The following CSGALNACT1 variants were observed in gnomAD, a reference collection of about 807,000 sequenced individuals.
CSGALNACT1 encodes the protein beta4GalNAcT-1.
A neutral mutation model predicts 51.0 loss-of-function variants in CSGALNACT1; 52 were observed. The observed-to-expected ratio is 1.02, with a 90% CI of 0.82 to 1.29. CSGALNACT1 has a LOEUF of 1.29. CSGALNACT1 is among the 50% of genes most tolerant of loss of function. The pLI, the probability that CSGALNACT1 is intolerant of heterozygous loss-of-function variation, is 0.00. For missense variants in CSGALNACT1, 935 were observed against 679.2 expected (o/e 1.38, Z -4.19); for synonymous variants, 341 against 254.4 (o/e 1.34, Z -3.24).
intron 3 of CSGALNACT1, among the ~76,000 whole-genome samples, chr8:19,590,639 A>ATTT (rs2047599486): frequency 2.0e-5 from 2 of 99,156 alleles, no homozygotes; most frequent in East Asian, 3.4e-4. Flanking sequence ...GGACCTAACT[A>ATTT]CTTTTTTTTT....
At chr8:19,525,836 G>A (rs1032273997) in intron 3 of CSGALNACT1, among the ~76,000 whole-genome samples, 7 of 152,002 alleles carry the variant, frequency 4.6e-5, no homozygotes, top group Non-Finnish European at 7.4e-5. Flanking sequence ...TGCCAGCTAC[G>A]TGAGGCCAGG....
At chr8:19,745,690 G>C (rs2064608901) in intron 1 of CSGALNACT1, among the ~76,000 whole-genome samples, 1 of 152,182 alleles carries the variant, frequency 6.6e-6, no homozygotes, top group Non-Finnish European at 1.5e-5. Context: ...GAAGTACGCA[G>C]TGAGGGCTCA....
At chr8:19,487,447 T>C (rs2073238439) in intron 4 of CSGALNACT1, among the ~76,000 whole-genome samples, 1 of 152,282 alleles carries the variant, frequency 6.6e-6, no homozygotes, top group South Asian at 2.1e-4. Flanking sequence ...GTCAACACGA[T>C]GGTGGAGCCC....
chr8:19,639,815 AT>A (rs1190694809), intron 1 of CSGALNACT1, among the ~76,000 whole-genome samples: 2 of 151,688 alleles, frequency 1.3e-5, no homozygotes, highest in African/African-American at 4.9e-5. Flanking sequence ...ATAACGATAT[AT>A]CCATTTGCAT....
chr8:19,531,072 A>T (rs1257022054), intron 3 of CSGALNACT1, among the ~76,000 whole-genome samples: 2 of 152,204 alleles, frequency 1.3e-5, no homozygotes, highest in African/African-American at 4.8e-5. Flanking sequence ...TCCATTTCCT[A>T]TTACATGAAA....
At chr8:19,578,626 G>A (rs1415309420) in intron 3 of CSGALNACT1, among the ~76,000 whole-genome samples, 1 of 152,106 alleles carries the variant, frequency 6.6e-6, no homozygotes, top group African/African-American at 2.4e-5. Flanking sequence ...TTGTGGGTGT[G>A]TTAGATACTA....
chr8:19,498,190 A>C (rs2075802432), intron 4 of CSGALNACT1, among the ~76,000 whole-genome samples: 1 of 152,138 alleles, frequency 6.6e-6, no homozygotes. Flanking sequence ...CTCCTCCCTG[A>C]GGCAGGTTAC....
At chr8:19,639,272 G>C (rs1173875895) in intron 1 of CSGALNACT1, among the ~76,000 whole-genome samples, 1 of 152,198 alleles carries the variant, frequency 6.6e-6, no homozygotes, top group South Asian at 2.1e-4. Context: ...GCTTGCCCTT[G>C]GTTAAGAAGG....
At chr8:19,543,924 T>C (rs1223707151) in intron 3 of CSGALNACT1, among the ~76,000 whole-genome samples, 1 of 152,230 alleles carries the variant, frequency 6.6e-6, no homozygotes, top group Non-Finnish European at 1.5e-5. Flanking sequence ...TGTTAATTTT[T>C]CTAAAGAGGA....
intron 3 of CSGALNACT1, among the ~76,000 whole-genome samples, chr8:19,540,453 TCA>T (rs2084839288): frequency 6.6e-6 from 1 of 152,208 alleles, no homozygotes; most frequent in African/African-American, 2.4e-5. Context: ...AAATTTGAGT[TCA>T]CAGTTTCTGA....
At chr8:19,585,224 G>A (rs529250051) in intron 3 of CSGALNACT1, 1 of 152,160 alleles carries the variant, frequency 6.6e-6, no homozygotes, top group African/African-American at 2.4e-5. Context: ...CTAAGAGAAC[G>A]CAGCCCCACA....
intron 5 of CSGALNACT1, chr8:19,457,794 A>G: frequency 7.4e-7 from 1 of 1,351,602 alleles, no homozygotes; most frequent in Non-Finnish European, 9.8e-7. Context: ...AAAGGCACAC[A>G]TCTAAAAACT....
At chr8:19,658,062 CAA>C (rs397973082) in intron 1 of CSGALNACT1, among the ~76,000 whole-genome samples, 3,139 of 86,700 alleles carry the variant, frequency 0.036, 83 homozygotes, top group South Asian at 0.079. Flanking sequence ...ACCCTCCTTC[CAA>C]AAAAAAAAAA....
At chr8:19,627,063 C>T (rs1209685853) in intron 1 of CSGALNACT1, among the ~76,000 whole-genome samples, 1 of 152,190 alleles carries the variant, frequency 6.6e-6, no homozygotes, top group Non-Finnish European at 1.5e-5. Context: ...TATTTATCCT[C>T]AAGAAATGAA....
chr8:19,667,008 A>AG (rs1564386110), intron 1 of CSGALNACT1, among the ~76,000 whole-genome samples: 8 of 31,450 alleles, frequency 2.5e-4, no homozygotes, highest in South Asian at 1.3e-3. Flanking sequence ...AGAAAGAAAG[A>AG]AAGAAAGAAA....
chr8:19,466,475 G>GCATTA (rs1457798640), intron 4 of CSGALNACT1, among the ~76,000 whole-genome samples: 2 of 152,052 alleles, frequency 1.3e-5, no homozygotes, highest in Non-Finnish European at 2.9e-5. Context: ...AAAAGGAACC[G>GCATTA]GTAAATGCTT....
At chr8:19,450,791 C>T (rs941990077) in intron 5 of CSGALNACT1, among the ~76,000 whole-genome samples, 2 of 151,870 alleles carry the variant, frequency 1.3e-5, no homozygotes, top group Admixed American at 1.3e-4. Flanking sequence ...GCATCCGTAG[C>T]CCCAGCTACT....
At chr8:19,754,512 T>G (rs946074694) in intron 1 of CSGALNACT1, among the ~76,000 whole-genome samples, 1 of 152,138 alleles carries the variant, frequency 6.6e-6, no homozygotes, top group Non-Finnish European at 1.5e-5. Context: ...ACCATATACA[T>G]ATATATTTTC....
chr8:19,460,858 T>C lies in CSGALNACT1; in HGVS notation c.635-2216A>G, dbSNP rs1450073372. Among the ~76,000 whole-genome samples, 3 of 152,186 alleles carry C rather than the reference T, an allele frequency of 2.0e-5. No homozygotes were observed. The East Asian group carries it at 5.8e-4, about 29-fold the overall frequency. On this transcript the variant is annotated intron_variant, in intron 4 of 9. Coordinates refer to ENST00000454498, the Ensembl canonical transcript of CSGALNACT1. The stretch of plus-strand genomic sequence containing the variant: ...GCTTTTCATCCTATAGCACTGGTTT[T>C]ATAGCCTCTTTGATCCTGTTCAAAG...
Sources: allele counts gnomAD v4.1 joint callset (sites outside exome capture counted in the v4.1 genomes callset), GRCh38; gene constraint gnomAD v4.1.1; transcripts MANE v1.5; gene names NCBI Gene and HGNC (gene_info 2026-07-23, HGNC 2026-07-21).